SDCCAG8: variants seen among roughly 807,000 people sequenced by gnomAD.
The protein encoded by SDCCAG8 is SHH signaling and ciliogenesis regulator SDCCAG8.
A neutral mutation model predicts 101.8 loss-of-function variants in SDCCAG8; 74 were observed. That is an observed-to-expected ratio of 0.73 (90% CI 0.60 to 0.88). SDCCAG8 has a LOEUF of 0.88. Ranked by LOEUF, SDCCAG8 falls within the 40% of genes least tolerant of loss-of-function variation. The probability of loss-of-function intolerance (pLI) is 0.00; values close to 1 mark genes in which losing one functional copy is unlikely to be tolerated. For synonymous variants in SDCCAG8, 281 were observed against 292.9 expected, an observed-to-expected ratio of 0.96 and a Z score of 0.41; for missense variants, 787 against 822.6, an observed-to-expected ratio of 0.96 and a Z score of 0.53.
At position 243,262,947 on chromosome 1, in the gene SDCCAG8, A is replaced by G. The variant is rs561255908; in HGVS notation, c.67+6707A>G. 1.0e-3 allele frequency among the ~76,000 whole-genome samples: 153 copies of G among 152,338 alleles called. 1 individual carries two copies. Among genetic ancestry groups the G allele is most frequent in the African/African-American group, 3.4e-3 (143 of 41,578 alleles). ...TTAGGCCCTGAAACAAAATAAAGCT[A>G]AATATGAATCTGAGCTCTTGCTTCT... On this transcript the variant is annotated intron_variant, in intron 1 of 17. Transcript: ENST00000366541.
At chr1:243,491,881 C>T (rs957587815) in intron 17 of SDCCAG8, among the ~76,000 whole-genome samples, 1 of 152,200 alleles carries the variant, frequency 6.6e-6, no homozygotes, top group Non-Finnish European at 1.5e-5. Flanking sequence ...TCCGTTTTCT[C>T]AGCCTGGATG....
chr1:243,396,223 A>G (rs992600616), intron 13 of SDCCAG8, among the ~76,000 whole-genome samples: 3 of 152,182 alleles, frequency 2.0e-5, no homozygotes, highest in African/African-American at 7.2e-5. Context: ...TGATAGCTAT[A>G]GATGCCACAA....
intron 1 of SDCCAG8, among the ~76,000 whole-genome samples, chr1:243,256,638 TG>T (rs1463797348): frequency 6.6e-6 from 1 of 152,234 alleles, no homozygotes; most frequent in Non-Finnish European, 1.5e-5. Context: ...ATGGGATCAG[TG>T]GGGGGAAACA....
intron 13 of SDCCAG8, among the ~76,000 whole-genome samples, chr1:243,397,179 G>A (rs1025241212): frequency 3.3e-5 from 5 of 152,148 alleles, no homozygotes; most frequent in African/African-American, 7.2e-5. Context: ...AAGGCTGTGC[G>A]ATCAGTGGCT....
rs140117080 is a variant in SDCCAG8, at chr1:243,327,242, T to G, written c.1069-3298T>G. On this transcript the variant is annotated intron_variant, in intron 9 of 17. Transcript: ENST00000366541. ...TATCATTTAATGGTAATTGCCTGTT[T>G]ATAGCATTCAGTTACTATAAAATTA... 1.5e-3 allele frequency among the ~76,000 whole-genome samples: 222 copies of G among 151,462 alleles called. 2 individuals are homozygous for G. Among genetic ancestry groups the G allele is most frequent in the African/African-American group, 5.1e-3 (212 of 41,410 alleles).
intron 1 of SDCCAG8, among the ~76,000 whole-genome samples, chr1:243,266,438 TC>T (rs2067593783): frequency 6.6e-6 from 1 of 151,736 alleles, no homozygotes; most frequent in Non-Finnish European, 1.5e-5. Context: ...TGCCTCAGCC[TC>T]CCCAGCAGCC....
At chr1:243,493,375 A>G (rs1667052744) in intron 17 of SDCCAG8, among the ~76,000 whole-genome samples, 1 of 152,166 alleles carries the variant, frequency 6.6e-6, no homozygotes, top group Non-Finnish European at 1.5e-5. Context: ...GCTGGTGAGG[A>G]AACATGAGTC....
chr1:243,454,408 G>C (rs2083581671), intron 16 of SDCCAG8, among the ~76,000 whole-genome samples: 1 of 152,084 alleles, frequency 6.6e-6, no homozygotes, highest in South Asian at 2.1e-4. Context: ...CAGGCAGAGA[G>C]GCCTGGTTCG....
At chr1:243,347,428 G>C (rs2075783284) in intron 12 of SDCCAG8, among the ~76,000 whole-genome samples, 1 of 152,150 alleles carries the variant, frequency 6.6e-6, no homozygotes, top group Admixed American at 6.5e-5. Flanking sequence ...GAACAAGTAT[G>C]TTTTTGTATG....
chr1:243,452,363 T>C (rs980985276), intron 16 of SDCCAG8, among the ~76,000 whole-genome samples: 6 of 151,850 alleles, frequency 4.0e-5, no homozygotes, highest in African/African-American at 1.2e-4. Context: ...CTCTATCTCT[T>C]TCTCTGTCAT....
At chr1:243,422,258 A>G (rs1224057418) in intron 15 of SDCCAG8, among the ~76,000 whole-genome samples, 3 of 152,172 alleles carry the variant, frequency 2.0e-5, no homozygotes, top group Non-Finnish European at 2.9e-5. Context: ...ATGGGAGTCC[A>G]TGGGGTCTCG....
intron 9 of SDCCAG8, 139 bp from the exon 10 acceptor site, chr1:243,330,401 A>G: frequency 1.3e-6 from 1 of 785,966 alleles, no homozygotes; most frequent in East Asian, 2.7e-5. Context: ...AGTGGTATTG[A>G]TAAACAATAA....
intron 8 of SDCCAG8, among the ~76,000 whole-genome samples, chr1:243,316,477 CTCT>C (rs1211762702): frequency 1.3e-5 from 2 of 152,150 alleles, no homozygotes; most frequent in African/African-American, 2.4e-5. Context: ...AACTAATTTG[CTCT>C]TCTCTGGGCT....
At chr1:243,422,227 G>A (rs560624353) in intron 15 of SDCCAG8, among the ~76,000 whole-genome samples, 2 of 152,260 alleles carry the variant, frequency 1.3e-5, no homozygotes, top group East Asian at 1.9e-4. Context: ...TGTGATTTGC[G>A]TTTTGTAATT....
rs746449124 is a variant in SDCCAG8 at position 243,316,822 on chromosome 1, G to A, written c.997G>A (p.Glu333Lys). 1 of 1,614,210 alleles carries A rather than the reference G, an allele frequency of 6.2e-7. No individual in the cohort carries two copies. The highest frequency in any genetic ancestry group is 1.1e-5 in the South Asian group (1 of 91,092). The change falls in exon 9 of 18, where the codon GAA becomes AAA. Residue 333 changes from glutamate (E) to lysine (K), a missense_variant. Coordinates refer to ENST00000366541, the MANE Select transcript of SDCCAG8 (RefSeq NM_006642.5). ...RSSLADTQQR[E>K]ASAYEQVKQV... ...CAGCTTGGCAGATACGCAGCAAAGAGAAGCAAGTGCTTATGAACAGGTGAA... is the reference window on the plus strand; with the variant it reads ...CAGCTTGGCAGATACGCAGCAAAGAAAAGCAAGTGCTTATGAACAGGTGAA...
chr1:243,264,076 T>TCGG (rs2067396513), intron 1 of SDCCAG8, among the ~76,000 whole-genome samples: 1 of 152,214 alleles, frequency 6.6e-6, no homozygotes, highest in South Asian at 2.1e-4. Context: ...TTGCATATTC[T>TCGG]CTCAGAGACA....
At chr1:243,428,836 C>T (rs1467043962) in intron 16 of SDCCAG8, among the ~76,000 whole-genome samples, 1 of 152,138 alleles carries the variant, frequency 6.6e-6, no homozygotes, top group African/African-American at 2.4e-5. Context: ...AATTTTGTAA[C>T]CACCTCCTGT....
intron 16 of SDCCAG8, among the ~76,000 whole-genome samples, chr1:243,459,588 T>TTC (rs1658625795): frequency 3.3e-5 from 5 of 152,214 alleles, no homozygotes; most frequent in Admixed American, 6.5e-5. Flanking sequence ...AAGGTGATAC[T>TTC]AAAATATTTA....
At chr1:243,402,039 G>C (rs772105973) in intron 13 of SDCCAG8, among the ~76,000 whole-genome samples, 3 of 152,104 alleles carry the variant, frequency 2.0e-5, no homozygotes, top group African/African-American at 4.8e-5. Context: ...CAAAGGAGTG[G>C]CACTCAGACC....
Sources: allele counts gnomAD v4.1 joint callset (sites outside exome capture counted in the v4.1 genomes callset), GRCh38; gene constraint gnomAD v4.1.1; transcripts MANE v1.5; gene names NCBI Gene and HGNC (gene_info 2026-07-23, HGNC 2026-07-21).